The following MOB3B variants were observed in gnomAD, a reference collection of about 807,000 sequenced individuals.
The protein encoded by MOB3B is MOB kinase activator 3B, also known as MOB kinase activator-like 2B.
MOB3B carries 7 observed loss-of-function variants against 18.7 expected under a neutral mutation model. The ratio of observed to expected loss-of-function variants is 0.37; its 90% CI spans 0.21 to 0.70. The LOEUF (loss-of-function observed/expected upper bound fraction) is 0.70. MOB3B is among the 30% of genes least tolerant of loss of function. The probability of loss-of-function intolerance (pLI) is 0.52; values close to 1 mark genes in which losing one functional copy is unlikely to be tolerated. For missense variants in MOB3B, 253 were observed against 281.3 expected (o/e 0.90, Z 0.72); for synonymous variants, 111 against 99.9 (o/e 1.11, Z -0.66).
At chr9:27,401,840 C>T (rs558575687) in intron 2 of MOB3B, among the ~76,000 whole-genome samples, 2 of 152,292 alleles carry the variant, frequency 1.3e-5, no homozygotes, top group African/African-American at 2.4e-5. Context: ...GATTTTGAAA[C>T]ATGAGTAACC....
At position 27,455,140 on chromosome 9, in the gene MOB3B, T is replaced by C. The variant is rs1261521803; in HGVS notation, c.411A>G (p.Thr137=). The change falls in exon 2 of 4, where the codon ACA becomes ACG. Residue 137 remains threonine, a synonymous_variant. Coordinates refer to ENST00000262244, the MANE Select transcript of MOB3B (RefSeq NM_024761.5). ...AGCTGGTAATGAACTTACCCACGCA[T>C]GTTGGAAATATTTCCTCGTTGTTGA... ...VQINNEEIFP[T]CVGVPFPKNF... 1 of 1,613,994 alleles carries C rather than the reference T, an allele frequency of 6.2e-7. No individual in the cohort carries two copies. Among genetic ancestry groups the C allele is most frequent in the African/African-American group, 1.3e-5 (1 of 74,898 alleles).
At chr9:27,345,126 C>T (rs1317582727) in intron 3 of MOB3B, among the ~76,000 whole-genome samples, 3 of 152,268 alleles carry the variant, frequency 2.0e-5, no homozygotes, top group East Asian at 3.9e-4. Context: ...ACTGTCTTGT[C>T]GTCTTCACTG....
chr9:27,386,138 G>T (rs1821647856), intron 2 of MOB3B, among the ~76,000 whole-genome samples: 1 of 152,224 alleles, frequency 6.6e-6, no homozygotes, highest in South Asian at 2.1e-4. Context: ...CCAAGAATGA[G>T]TCCAAGTTTC....
Position 27,359,141 on chromosome 9 carries a change from G to C in MOB3B, c.514C>G (p.Arg172Gly), listed in dbSNP as rs779174669. The change falls in exon 3 of 4, where the codon CGG (arginine) becomes GGG (glycine). Residue 172 changes from arginine to glycine, a missense_variant. Transcript: ENST00000262244. ...GCCTCTGCACCCATCACAATGACCC[G>C]GTCGAAGTGGTGGATATAGACGTGG... ...FVHVYIHHFD[R>G]VIVMGAEAHV... 1 of 1,613,992 alleles carries C rather than the reference G, an allele frequency of 6.2e-7. No individual in the cohort carries two copies. The highest frequency in any genetic ancestry group is 8.5e-7 in the Non-Finnish European group (1 of 1,180,040).
intron 1 of MOB3B, among the ~76,000 whole-genome samples, chr9:27,514,030 C>A (rs970334062): frequency 1.3e-5 from 2 of 152,108 alleles, no homozygotes; most frequent in African/African-American, 4.8e-5. Context: ...TCACATTTAG[C>A]AATGAGTGAT....
intron 1 of MOB3B, among the ~76,000 whole-genome samples, chr9:27,479,258 T>A (rs1213458189): frequency 6.6e-6 from 1 of 152,120 alleles, no homozygotes; most frequent in East Asian, 1.9e-4. Flanking sequence ...GCTAAACTCA[T>A]CCTTTATAAG....
intron 3 of MOB3B, among the ~76,000 whole-genome samples, chr9:27,351,292 T>C (rs1346304799): frequency 6.6e-6 from 1 of 152,128 alleles, no homozygotes; most frequent in African/African-American, 2.4e-5. Context: ...ACACATCATA[T>C]CAGTAGTAAT....
intron 2 of MOB3B, among the ~76,000 whole-genome samples, chr9:27,440,731 T>G (rs1822582098): frequency 1.0e-5 from 1 of 97,224 alleles, no homozygotes; most frequent in Non-Finnish European, 1.9e-5. Flanking sequence ...AGAAGATTCA[T>G]TTTTTTTTTA....
chr9:27,362,229 A>G (rs1266184376), intron 2 of MOB3B, among the ~76,000 whole-genome samples: 1 of 152,022 alleles, frequency 6.6e-6, no homozygotes, highest in African/African-American at 2.4e-5. Context: ...TGGTTTTGCA[A>G]TCTGGAAGAC....
intron 3 of MOB3B, among the ~76,000 whole-genome samples, chr9:27,348,003 T>C (rs963056780): frequency 2.6e-5 from 4 of 152,238 alleles, no homozygotes; most frequent in Non-Finnish European, 5.9e-5. Context: ...CACATGACTG[T>C]ACTTCTGTAG....
intron 1 of MOB3B, among the ~76,000 whole-genome samples, chr9:27,473,224 G>A (rs1819500117): frequency 6.6e-6 from 1 of 152,208 alleles, no homozygotes; most frequent in Non-Finnish European, 1.5e-5. Flanking sequence ...ATGCAATCCA[G>A]AGAGCTGAGC....
At chr9:27,375,529 A>G (rs1821477544) in intron 2 of MOB3B, among the ~76,000 whole-genome samples, 1 of 152,164 alleles carries the variant, frequency 6.6e-6, no homozygotes, top group Non-Finnish European at 1.5e-5. Context: ...AATTCCCTTT[A>G]CTAGGGTGCA....
chr9:27,524,422 A>C, intron 1 of MOB3B: 2 of 1,614,068 alleles, frequency 1.2e-6, no homozygotes, highest in Non-Finnish European at 1.7e-6. Context: ...CTATCCCTGG[A>C]CTGTAACTTA....
rs555954751 is a variant in MOB3B at position 27,509,440 on chromosome 9, G to A, written c.-199+20115C>T. On this transcript the variant is annotated intron_variant, in intron 1 of 3. Coordinates refer to ENST00000262244, the MANE Select transcript of MOB3B (RefSeq NM_024761.5). ...TTATTTATTTATTTTTACTTGAGAC[G>A]GAGTCTTACTCTGTTGCCCAGGCTT... 1.6e-3 allele frequency among the ~76,000 whole-genome samples: 238 copies of A among 152,120 alleles called. 2 individuals are homozygous for A. Among genetic ancestry groups the A allele is most frequent in the African/African-American group, 5.5e-3 (227 of 41,550 alleles).
At chr9:27,440,871 CT>C (rs1563869312) in intron 2 of MOB3B, among the ~76,000 whole-genome samples, 1 of 151,954 alleles carries the variant, frequency 6.6e-6, no homozygotes, top group Non-Finnish European at 1.5e-5. Flanking sequence ...GGTCCTCAAC[CT>C]TTTTGGCACC....
intron 1 of MOB3B, among the ~76,000 whole-genome samples, chr9:27,473,333 AGGGTG>A (rs1819502476): frequency 6.6e-6 from 1 of 151,888 alleles, no homozygotes. Context: ...GCAAAGGGGG[AGGGTG>A]GGGTCGTGCT....
intron 2 of MOB3B, chr9:27,421,414 C>T (rs1028523998): frequency 5.9e-5 from 9 of 152,324 alleles, no homozygotes; most frequent in African/African-American, 2.2e-4. Context: ...ATTTTATAGG[C>T]AAAGAATTGA....
intron 1 of MOB3B, among the ~76,000 whole-genome samples, chr9:27,460,182 T>G (rs1008158369): frequency 5.9e-5 from 9 of 152,222 alleles, no homozygotes; most frequent in Non-Finnish European, 2.9e-5. Context: ...TGCACCAACA[T>G]GCATACTGAT....
intron 2 of MOB3B, among the ~76,000 whole-genome samples, chr9:27,386,996 G>A (rs1205082297): frequency 6.6e-6 from 1 of 152,158 alleles, no homozygotes; most frequent in Admixed American, 6.5e-5. Flanking sequence ...GTGAACTCTG[G>A]AAATAGCAGC....
Sources: allele counts gnomAD v4.1 joint callset (sites outside exome capture counted in the v4.1 genomes callset), GRCh38; gene constraint gnomAD v4.1.1; transcripts MANE v1.5; gene names NCBI Gene and HGNC (gene_info 2026-07-23, HGNC 2026-07-21).